The following OSGIN1 variants were observed in gnomAD, a reference collection of about 807,000 sequenced individuals.
OSGIN1 encodes the protein oxidative stress-induced growth inhibitor 1.
A neutral mutation model predicts 20.1 loss-of-function variants in OSGIN1; 19 were observed. That is an observed-to-expected ratio of 0.95 (90% CI 0.66 to 1.39). OSGIN1 has a LOEUF of 1.39. Ranked by LOEUF, OSGIN1 falls within the 40% of genes most tolerant of loss-of-function variation. OSGIN1 has a pLI of 0.00. For synonymous variants in OSGIN1, 368 were observed against 297.8 expected, an observed-to-expected ratio of 1.24 and a Z score of -2.43; for missense variants, 820 against 653.0, an observed-to-expected ratio of 1.26 and a Z score of -2.79.
chr16:83,955,269 C>T (rs760856698), intron 1 of OSGIN1, among the ~76,000 whole-genome samples: 3 of 152,162 alleles, frequency 2.0e-5, no homozygotes, highest in Non-Finnish European at 1.5e-5. Flanking sequence ...TCTGGGTATA[C>T]TCAGCACCCA....
intron 1 of OSGIN1, chr16:83,954,672 T>G: frequency 1.3e-6 from 1 of 753,862 alleles, no homozygotes; most frequent in Non-Finnish European, 1.6e-6. Context: ...TGACCTCATG[T>G]ATGTGGCATC....
intron 5 of OSGIN1, 41 bp downstream of exon 5, chr16:83,961,113 G>C: frequency 6.6e-7 from 1 of 1,514,856 alleles, no homozygotes; most frequent in South Asian, 1.1e-5. Context: ...ACGGAAGGTT[G>C]GGCCTGTGAA....
chr16:83,960,688 C>CT lies in OSGIN1; in HGVS notation c.325dup (p.Trp109LeufsTer83). 1 of 1,613,624 alleles carries CT rather than the reference C, an allele frequency of 6.2e-7. No homozygotes were observed. The highest frequency in any genetic ancestry group is 8.5e-7 in the Non-Finnish European group (1 of 1,180,034). ...GGGGAAACATGAAGTCGGTCCTCACCTGGAAGCACCGGAAGGAGCACGCCA... is the reference window on the plus strand; with the variant it reads ...GGGGAAACATGAAGTCGGTCCTCACCTTGGAAGCACCGGAAGGAGCACGCCA... On this transcript the variant is annotated frameshift_variant, in exon 4 of 6. Transcript: ENST00000393306. LOFTEE classifies it high-confidence loss of function.
chr16:83,961,131 A>T (rs1323007795), intron 5 of OSGIN1, 59 bp downstream of exon 5: 2 of 1,288,354 alleles, frequency 1.6e-6, no homozygotes, highest in Non-Finnish European at 1.1e-6. Context: ...GAACCCAGAA[A>T]ATCTGAGACA....
At chr16:83,960,848 C>G in intron 4 of OSGIN1, 88 bp downstream of exon 4, 1 of 1,504,294 alleles carries the variant, frequency 6.6e-7, no homozygotes, top group Non-Finnish European at 9.1e-7. Context: ...TCTCCCTTTC[C>G]TCATTCTCCA....
At position 83,965,334 on chromosome 16, in the gene OSGIN1, G is replaced by C. The variant is rs369392211; in HGVS notation, c.761G>C (p.Arg254Pro). 4 of 1,573,862 alleles carry C rather than the reference G, an allele frequency of 2.5e-6. No homozygotes were observed. Reference sequence around the variant, plus strand: ...ACAGGCACGTTCGACAGCCCGGCCCGGCTGGGCATCCCCGGGGAGGCCCTG... The same window carrying C: ...ACAGGCACGTTCGACAGCCCGGCCCCGCTGGGCATCCCCGGGGAGGCCCTG... ...LATGTFDSPA[R>P]LGIPGEALPF... Residue 254 changes from arginine to proline, a missense_variant, in exon 6 of 6, where the codon CGG becomes CCG. Arg to Pro is a moderately radical substitution (Grantham distance 103, BLOSUM62 -2). Transcript: ENST00000393306.
At position 83,953,337 on chromosome 16, in the gene OSGIN1, G is replaced by T; in HGVS notation, c.-66G>T. The T allele has an allele frequency of 7.8e-7, 1 of 1,288,940 alleles. No homozygotes were observed. Among genetic ancestry groups the T allele is most frequent in the Non-Finnish European group, 1.0e-6 (1 of 988,580 alleles). The allele number at this position is 1,288,940 out of a possible 1,614,324, so 79.8% of individuals were successfully genotyped here. ...GACCCTCCTAGTGCACAACTTGGCC[G>T]GGCTCACTGGGCTCCTGCACCACTG... On this transcript the variant is annotated 5_prime_UTR_variant, in exon 1 of 6. Coordinates refer to ENST00000393306, the MANE Select transcript of OSGIN1 (RefSeq NM_182981.3).
intron 5 of OSGIN1, among the ~76,000 whole-genome samples, chr16:83,963,095 G>A (rs984473633): frequency 6.6e-6 from 1 of 152,180 alleles, no homozygotes; most frequent in East Asian, 1.9e-4. Context: ...GCTGTGACCA[G>A]GCCTGTGTCC....
In OSGIN1 at chr16:83,954,711, C is replaced by T. The variant is rs566700040; in HGVS notation, c.-33+1341C>T. On this transcript the variant is annotated intron_variant, in intron 1 of 5. Transcript: ENST00000393306. The stretch of plus-strand genomic sequence containing the variant: ...AAGCTTCTGTTCAAGAGCCTGAGGA[C>T]AGTCCCAGGAGGGAGCCCTGGACTT... 19 of 973,672 alleles carry T rather than the reference C, an allele frequency of 2.0e-5. No individual in the cohort carries two copies. The African/African-American group carries it at 2.6e-4, about 13-fold the overall frequency. 60.3% of individuals were successfully genotyped at this position (973,672 alleles called of 1,614,324 possible).
intron 1 of OSGIN1, chr16:83,954,688 G>A: frequency 1.1e-6 from 1 of 900,856 alleles, no homozygotes; most frequent in Non-Finnish European, 1.3e-6. Context: ...GCATCCAGAA[G>A]CTTCTGTTCA....
chr16:83,961,834 G>A (rs867781668), intron 5 of OSGIN1, among the ~76,000 whole-genome samples: 9 of 152,136 alleles, frequency 5.9e-5, no homozygotes, highest in Non-Finnish European at 8.8e-5. Context: ...TGAGCCCCAC[G>A]CCCTGCCCCG....
chr16:83,956,614 A>G (rs950607774), intron 1 of OSGIN1, among the ~76,000 whole-genome samples: 21 of 151,998 alleles, frequency 1.4e-4, no homozygotes, highest in Non-Finnish European at 2.5e-4. Flanking sequence ...AGTTTGTGCG[A>G]CCTCTCTGAG....
Position 83,965,472 on chromosome 16 carries a change from C to T in OSGIN1, c.899C>T (p.Ala300Val), listed in dbSNP as rs746897234. Residue 300 changes from alanine (A) to valine (V), a missense_variant, in exon 6 of 6, where the codon GCG (alanine) becomes GTG (valine). Physicochemically the swap from Ala to Val is moderately conservative, Grantham distance 64. Coordinates refer to ENST00000393306, the MANE Select transcript of OSGIN1 (RefSeq NM_182981.3). Reference sequence around the variant, plus strand: ...GGCGCGGGGCTGTCAGCGGCCGACGCGGTCCTCTACGCCCGCCACTACAAC... The same window carrying T: ...GGCGCGGGGCTGTCAGCGGCCGACGTGGTCCTCTACGCCCGCCACTACAAC... Reference protein sequence around the residue: ...IIGAGLSAADAVLYARHYNIP... With the variant: ...IIGAGLSAADVVLYARHYNIP... The T allele has an allele frequency of 1.6e-5, 25 of 1,605,360 alleles. No individual in the cohort carries two copies. Among genetic ancestry groups the T allele is most frequent in the African/African-American group, 5.3e-5 (4 of 74,912 alleles).
At chr16:83,958,848 T>C (rs2151076288) in intron 2 of OSGIN1, among the ~76,000 whole-genome samples, 1 of 152,322 alleles carries the variant, frequency 6.6e-6, no homozygotes, top group Middle Eastern at 3.4e-3. Flanking sequence ...CTTAGCAATC[T>C]CAGAATCTCA....
intron 1 of OSGIN1, chr16:83,954,215 G>C (rs1908821479): frequency 6.6e-6 from 1 of 152,244 alleles, no homozygotes; most frequent in Non-Finnish European, 1.5e-5. Context: ...AGGCAAAGGA[G>C]TAAATGGCCA....
In OSGIN1 at chr16:83,959,345, C is replaced by T. The variant is rs765894599; in HGVS notation, c.153C>T (p.Pro51=). The change falls in exon 3 of 6, where the codon CCC becomes CCT. Residue 51 remains proline, a synonymous_variant. Transcript: ENST00000393306. Reference sequence around the variant, plus strand: ...AGCCAGATGCCATCCACCCACACCCCCTGCTGCAGAGGAAGCTCACCGAGG... The same window carrying T: ...AGCCAGATGCCATCCACCCACACCCTCTGCTGCAGAGGAAGCTCACCGAGG... ...YTKPDAIHPH[P]LLQRKLTEAP... is the part of the protein sequence containing the mutation. 3.1e-6 allele frequency: 5 copies of T among 1,613,810 alleles called. No individual in the cohort carries two copies. Among genetic ancestry groups the T allele is most frequent in the East Asian group, 2.2e-5 (1 of 44,882 alleles).
Position 83,966,286 on chromosome 16 carries a change from C to A in OSGIN1, c.*279C>A. 1 of 484,268 alleles carries A rather than the reference C, an allele frequency of 2.1e-6. No individual in the cohort carries two copies. The highest frequency in any genetic ancestry group is 3.6e-6 in the Non-Finnish European group (1 of 276,154). The allele number at this position is 484,268 out of a possible 1,614,324, so 30.0% of individuals were successfully genotyped here. A position where few individuals can be genotyped will look rare whatever the true frequency, so the allele number is the denominator to read the frequency against. Reference sequence around the variant, plus strand: ...GCACCCAGCCAGGAGACCTGCAGCCCTGCGCCTTCCAGAAGCAGGTCCCAA... The same window carrying A: ...GCACCCAGCCAGGAGACCTGCAGCCATGCGCCTTCCAGAAGCAGGTCCCAA... On this transcript the variant is annotated 3_prime_UTR_variant, in exon 6 of 6. Coordinates refer to ENST00000393306, the MANE Select transcript of OSGIN1 (RefSeq NM_182981.3).
chr16:83,958,497 G>C (rs2665301), intron 2 of OSGIN1, among the ~76,000 whole-genome samples: 1,538 of 152,280 alleles, frequency 0.01, 28 homozygotes, highest in African/African-American at 0.032. Context: ...GCAGGCGTCC[G>C]ATTAAGCCAC....
At chr16:83,963,641 G>C (rs1002101525) in intron 5 of OSGIN1, among the ~76,000 whole-genome samples, 2 of 152,198 alleles carry the variant, frequency 1.3e-5, no homozygotes, top group South Asian at 2.1e-4. Context: ...ATAAATTCCA[G>C]GGTCGCAGAC....
Sources: allele counts gnomAD v4.1 joint callset (sites outside exome capture counted in the v4.1 genomes callset), GRCh38; gene constraint gnomAD v4.1.1; transcripts MANE v1.5; gene names NCBI Gene and HGNC (gene_info 2026-07-23, HGNC 2026-07-21).